The following KIF13B variants were observed in gnomAD, a reference collection of about 807,000 sequenced individuals.
The protein encoded by KIF13B is kinesin family member 13B, also known as kinesin-like protein KIF13B.
In KIF13B, 127 loss-of-function variants were observed where a neutral mutation model predicts 222.0. That is an observed-to-expected ratio of 0.57 (90% CI 0.50 to 0.66). The LOEUF (loss-of-function observed/expected upper bound fraction) is 0.66. Ranked by LOEUF, KIF13B falls within the 30% of genes least tolerant of loss-of-function variation. The pLI is 0.00. For missense variants in KIF13B, 2,173 were observed against 2,379.0 expected, an observed-to-expected ratio of 0.91 and a Z score of 1.80; for synonymous variants, 976 against 919.0, an observed-to-expected ratio of 1.06 and a Z score of -1.12.
chr8:29,193,764 C>T (rs2130365664), intron 3 of KIF13B, among the ~76,000 whole-genome samples: 1 of 152,330 alleles, frequency 6.6e-6, no homozygotes, highest in Non-Finnish European at 1.5e-5. Flanking sequence ...TTACTTAAAA[C>T]ACCTAAGACA....
At chr8:29,096,800 G>A (rs908176559) in intron 36 of KIF13B, among the ~76,000 whole-genome samples, 10 of 152,070 alleles carry the variant, frequency 6.6e-5, no homozygotes, top group African/African-American at 1.9e-4. Flanking sequence ...TAGGGTTTCT[G>A]AGCAAAGACT....
intron 37 of KIF13B, among the ~76,000 whole-genome samples, chr8:29,089,642 C>T (rs1405936494): frequency 6.6e-6 from 1 of 151,970 alleles, no homozygotes; most frequent in South Asian, 2.1e-4. Context: ...GCCTATAATC[C>T]CAGCACTTTG....
chr8:29,241,167 C>A (rs1815760641), intron 2 of KIF13B, among the ~76,000 whole-genome samples: 1 of 152,120 alleles, frequency 6.6e-6, no homozygotes, highest in South Asian at 2.1e-4. Flanking sequence ...CCTCAAGAAC[C>A]TGATGCTAAG....
Position 29,191,068 on chromosome 8 carries a change from T to G in KIF13B, c.163-11A>C. 7 of 1,596,460 alleles carry G rather than the reference T, an allele frequency of 4.4e-6. No homozygotes were observed. The highest frequency in any genetic ancestry group is 6.0e-6 in the Non-Finnish European group (7 of 1,168,930). Reference sequence around the variant, plus strand: ...ATCATAAGCAAACACCTGTTGAAAATGAACATAAGTGTGTGTTAAGAAAAC... The same window carrying G: ...ATCATAAGCAAACACCTGTTGAAAAGGAACATAAGTGTGTGTTAAGAAAAC... On this transcript the variant is annotated splice_polypyrimidine_tract_variant and intron_variant, in intron 3 of 39. Transcript: ENST00000524189.
intron 26 of KIF13B, among the ~76,000 whole-genome samples, chr8:29,125,991 C>A (rs1450445328): frequency 6.6e-6 from 1 of 151,924 alleles, no homozygotes; most frequent in African/African-American, 2.4e-5. Flanking sequence ...ACCTGTAATC[C>A]CAGCTACTTG....
chr8:29,260,829 G>T (rs962540726), intron 1 of KIF13B, among the ~76,000 whole-genome samples: 6 of 152,130 alleles, frequency 3.9e-5, no homozygotes, highest in African/African-American at 1.4e-4. Context: ...TGTTAGGCAG[G>T]CTGGTCTCGA....
intron 3 of KIF13B, among the ~76,000 whole-genome samples, chr8:29,191,906 T>C (rs1490944909): frequency 6.6e-6 from 1 of 152,270 alleles, no homozygotes; most frequent in Admixed American, 6.5e-5. Flanking sequence ...TGCAATTGTT[T>C]TAAAATGTAT....
chr8:29,129,940 C>A (rs1463382330), intron 24 of KIF13B, among the ~76,000 whole-genome samples: 1 of 152,186 alleles, frequency 6.6e-6, no homozygotes, highest in East Asian at 1.9e-4. Flanking sequence ...ATTGAACTTG[C>A]TCAGGGATAG....
At chr8:29,160,986 A>G in intron 12 of KIF13B, 119 bp from the exon 13 acceptor site, 1 of 755,786 alleles carries the variant, frequency 1.3e-6, no homozygotes. Context: ...ACATTCTCTT[A>G]GGCTATGGCA....
intron 1 of KIF13B, among the ~76,000 whole-genome samples, chr8:29,255,382 C>T (rs1816437726): frequency 6.6e-6 from 1 of 152,190 alleles, no homozygotes; most frequent in South Asian, 2.1e-4. Context: ...TACACATTCA[C>T]TACTCAGAAG....
chr8:29,226,383 T>C (rs1447095821), intron 2 of KIF13B, among the ~76,000 whole-genome samples: 4 of 152,246 alleles, frequency 2.6e-5, no homozygotes, highest in Admixed American at 6.5e-5. Context: ...AACAGTCAGC[T>C]GGTTCCTGGT....
chr8:29,151,325 T>C, intron 14 of KIF13B, among the ~76,000 whole-genome samples: 1 of 152,202 alleles, frequency 6.6e-6, no homozygotes, highest in East Asian at 1.9e-4. Context: ...AACATAAAAG[T>C]GCAAGGTGAA....
chr8:29,074,705 A>G (rs994623768), intron 38 of KIF13B, among the ~76,000 whole-genome samples: 1 of 152,264 alleles, frequency 6.6e-6, no homozygotes, highest in African/African-American at 2.4e-5. Flanking sequence ...GGTCATTCAG[A>G]TAGAAGTAAA....
At chr8:29,113,069 A>G (rs11781000) in intron 32 of KIF13B, among the ~76,000 whole-genome samples, 64,730 of 152,034 alleles carry the variant, frequency 0.43, 15,125 homozygotes, top group Non-Finnish European at 0.54. Context: ...GACAAGAAAA[A>G]AAAAATATGG....
intron 2 of KIF13B, among the ~76,000 whole-genome samples, chr8:29,220,454 T>C (rs967917282): frequency 3.3e-5 from 5 of 152,194 alleles, no homozygotes; most frequent in African/African-American, 1.2e-4. Context: ...ACTGTTGTTC[T>C]GTTAACTGAA....
chr8:29,153,842 C>T (rs1811402142), intron 14 of KIF13B, among the ~76,000 whole-genome samples: 1 of 152,186 alleles, frequency 6.6e-6, no homozygotes, highest in Non-Finnish European at 1.5e-5. Context: ...TTTCTACTTC[C>T]TCTGTAAGAG....
intron 35 of KIF13B, among the ~76,000 whole-genome samples, chr8:29,102,236 T>C (rs1177849538): frequency 1.3e-5 from 2 of 152,214 alleles, no homozygotes; most frequent in Middle Eastern, 3.4e-3. Flanking sequence ...AAGAGTATGA[T>C]ATCCCTGTTT....
chr8:29,134,658 G>C (rs983863517), intron 21 of KIF13B, among the ~76,000 whole-genome samples: 11 of 152,134 alleles, frequency 7.2e-5, no homozygotes, highest in Admixed American at 1.3e-4. Context: ...AAATATCAAG[G>C]AAAGAGCAAA....
intron 31 of KIF13B, among the ~76,000 whole-genome samples, chr8:29,115,985 C>A (rs575246155): frequency 1.3e-5 from 2 of 152,338 alleles, no homozygotes; most frequent in East Asian, 3.9e-4. Context: ...TGATGAGGAC[C>A]TGCACCACGT....
Sources: gnomAD v4.1 joint callset for allele counts (sites outside exome capture counted in the v4.1 genomes callset) on GRCh38, gnomAD v4.1.1 for gene constraint, MANE v1.5 for transcripts, NCBI Gene and HGNC (gene_info 2026-07-23, HGNC 2026-07-21) for gene names.